PRKCQ: variants seen among roughly 807,000 people sequenced by gnomAD.
The protein encoded by PRKCQ is protein kinase C theta.
A neutral mutation model predicts 91.2 loss-of-function variants in PRKCQ; 41 were observed. The observed-to-expected ratio is 0.45, with a 90% CI of 0.35 to 0.58. The LOEUF (loss-of-function observed/expected upper bound fraction) is 0.58, where lower values mean the gene tolerates loss of function less well. Among genes scored for constraint, PRKCQ ranks in the 20% least tolerant of loss-of-function variants. The pLI is 0.00. For synonymous variants in PRKCQ, 307 were observed against 316.9 expected (o/e 0.97, Z 0.33); for missense variants, 673 against 896.5 (o/e 0.75, Z 3.18).
rs746476630 is a variant in PRKCQ at position 6,465,597 on chromosome 10, C to T, written c.1354-1193G>A. ...GGTGCGTCTGGGCATGAATTTGCATCTGAAAGTCTCACCTGGGTGGTTTCT... is the reference window on the plus strand; with the variant it reads ...GGTGCGTCTGGGCATGAATTTGCATTTGAAAGTCTCACCTGGGTGGTTTCT... On this transcript the variant is annotated intron_variant, in intron 12 of 17. Transcript: ENST00000263125. This position sits in a 1 kb window ranked among gnomAD's most constrained non-coding sequence, Gnocchi z 4.4. Among the ~76,000 whole-genome samples the T allele has an allele frequency of 6.6e-6, 1 of 152,234 alleles. No homozygotes were observed.
Position 6,515,122 on chromosome 10 carries a change from A to G in PRKCQ, c.14T>C (p.Leu5Pro). 1.9e-6 allele frequency: 3 copies of G among 1,613,778 alleles called. No homozygotes were observed. The highest frequency in any genetic ancestry group is 2.5e-6 in the Non-Finnish European group (3 of 1,179,926). MSPFLRIGLSNFDCG... is the reference protein window; with the variant it reads MSPFPRIGLSNFDCG... ...GTCAAAGTTGGACAAGCCAATCCGA[A>G]GAAATGGCGACATGGTTGCGCCCTG... The change falls in exon 2 of 18, where the codon CTT becomes CCT. Residue 5 changes from leucine to proline, a missense_variant. Transcript: ENST00000263125.
chr10:6,504,955 G>A (rs1360038717), intron 4 of PRKCQ, among the ~76,000 whole-genome samples: 3 of 150,420 alleles, frequency 2.0e-5, no homozygotes, highest in Non-Finnish European at 2.9e-5. Context: ...GTGCAGTGGT[G>A]CAATCTTGGC....
At chr10:6,538,222 T>G (rs1839653700) in intron 1 of PRKCQ, among the ~76,000 whole-genome samples, 1 of 152,246 alleles carries the variant, frequency 6.6e-6, no homozygotes, top group South Asian at 2.1e-4. Context: ...CTCCCATTGC[T>G]GCCAGGACTG....
intron 11 of PRKCQ, 59 bp from the exon 12 acceptor site, chr10:6,479,224 A>G (rs1335892737): frequency 6.3e-7 from 1 of 1,583,242 alleles, no homozygotes; most frequent in Non-Finnish European, 8.6e-7. Context: ...TTTCTTAAAA[A>G]AGAGACAGAG....
chr10:6,467,226 C>T (rs1046648106), intron 12 of PRKCQ, among the ~76,000 whole-genome samples: 1 of 151,864 alleles, frequency 6.6e-6, no homozygotes, highest in Non-Finnish European at 1.5e-5. Context: ...AAGAAGAAAA[C>T]AGAATTAGAT....
chr10:6,537,507 C>T (rs1331051063), intron 1 of PRKCQ, among the ~76,000 whole-genome samples: 1 of 152,176 alleles, frequency 6.6e-6, no homozygotes, highest in Non-Finnish European at 1.5e-5. Flanking sequence ...GCCACAGAAG[C>T]TAACCTGAGG....
intron 16 of PRKCQ, among the ~76,000 whole-genome samples, chr10:6,434,390 A>C (rs1320323879): frequency 6.6e-6 from 1 of 152,222 alleles, no homozygotes; most frequent in African/African-American, 2.4e-5. Context: ...AATATATTTT[A>C]AAAAATTAAA....
At chr10:6,470,134 G>GA (rs1835879060) in intron 12 of PRKCQ, among the ~76,000 whole-genome samples, 1 of 152,108 alleles carries the variant, frequency 6.6e-6, no homozygotes, top group Non-Finnish European at 1.5e-5. Flanking sequence ...CCTCCTCCAT[G>GA]ACACATTCCA....
chr10:6,524,478 T>C (rs1839128072), intron 1 of PRKCQ, among the ~76,000 whole-genome samples: 1 of 152,192 alleles, frequency 6.6e-6, no homozygotes, highest in African/African-American at 2.4e-5. Flanking sequence ...TCTACCGTCT[T>C]CAGCCGTATT....
intron 15 of PRKCQ, among the ~76,000 whole-genome samples, chr10:6,452,646 A>G (rs75696313): frequency 0.36 from 50,454 of 138,392 alleles, 9,628 homozygotes; most frequent in East Asian, 0.48. Flanking sequence ...CAAAGCTGGA[A>G]GCATCACGCT....
At chr10:6,551,964 A>G (rs964292479) in intron 1 of PRKCQ, among the ~76,000 whole-genome samples, 1 of 152,164 alleles carries the variant, frequency 6.6e-6, no homozygotes, top group African/African-American at 2.4e-5. Context: ...CATTTTCTCC[A>G]CAACCTTGCC....
At chr10:6,451,023 A>G (rs1285812200) in intron 15 of PRKCQ, among the ~76,000 whole-genome samples, 2 of 151,996 alleles carry the variant, frequency 1.3e-5, no homozygotes, top group Non-Finnish European at 2.9e-5. Context: ...AGAACTAGAA[A>G]AGCAAGAGCA....
intron 4 of PRKCQ, among the ~76,000 whole-genome samples, chr10:6,500,797 C>T (rs574011063): frequency 6.6e-6 from 1 of 152,222 alleles, no homozygotes; most frequent in Non-Finnish European, 1.5e-5. Flanking sequence ...GTTTCCTGAG[C>T]AGCTGTGAGT....
Position 6,462,435 on chromosome 10 carries a change from T to C in PRKCQ, c.1446-70A>G. The C allele has an allele frequency of 2.1e-6, 3 of 1,458,614 alleles. No individual in the cohort carries two copies. In the South Asian group the frequency reaches 3.4e-5, roughly 17 times the overall value. The allele number at this position is 1,458,614 out of a possible 1,614,324, so 90.4% of individuals were successfully genotyped here. ...ACGAAATAAAATCCCAAACCCAGAC[T>C]GACCTTTTTCTGACATGCTGTGTAT... On this transcript the variant is annotated intron_variant, in intron 13 of 17. Transcript: ENST00000263125.
rs571236260 is a variant in PRKCQ, at chr10:6,573,651, A to G, written c.-10+6560T>C. On this transcript the variant is annotated intron_variant, in intron 1 of 17. Transcript: ENST00000263125. ...GTACGCTTATTAGGAATTCTTGCCCACAGGGAAAAAATTTCAGGATGACAA... is the reference window on the plus strand; with the variant it reads ...GTACGCTTATTAGGAATTCTTGCCCGCAGGGAAAAAATTTCAGGATGACAA... 7.9e-5 allele frequency among the ~76,000 whole-genome samples: 12 copies of G among 152,368 alleles called. No homozygotes were observed. The South Asian group carries it at 2.5e-3, about 32-fold the overall frequency.
intron 15 of PRKCQ, among the ~76,000 whole-genome samples, chr10:6,442,750 T>C (rs1332959452): frequency 6.6e-6 from 1 of 152,100 alleles, no homozygotes; most frequent in African/African-American, 2.4e-5. Context: ...TCACCTGAGG[T>C]CGGGAGTTTG....
rs12761830 is a variant in PRKCQ at position 6,486,259 on chromosome 10, C to T, written c.791-115G>A. Reference sequence around the variant, plus strand: ...ATAGGGAGGAAAGCCTAAAGTGCCACGGCTGGGAGGAAGTTGACCCTGGCT... The same window carrying T: ...ATAGGGAGGAAAGCCTAAAGTGCCATGGCTGGGAGGAAGTTGACCCTGGCT... On this transcript the variant is annotated intron_variant, in intron 8 of 17. Coordinates refer to ENST00000263125, the MANE Select transcript of PRKCQ (RefSeq NM_006257.5). The T allele has an allele frequency of 1.7e-3, 1,370 of 818,866 alleles. 3 individuals carry two copies. Among genetic ancestry groups the T allele is most frequent in the African/African-American group, 5.4e-3 (316 of 58,742 alleles). The allele number at this position is 818,866 out of a possible 1,614,324, so 50.7% of individuals were successfully genotyped here.
the PRKCQ span, among the ~76,000 whole-genome samples, chr10:6,400,105 G>T: frequency 6.6e-6 from 1 of 152,364 alleles, no homozygotes; most frequent in East Asian, 1.9e-4. Context: ...GATTGCCCAA[G>T]TTAGAATGGG....
At chr10:6,510,923 T>A in intron 3 of PRKCQ, 72 bp downstream of exon 3, 1 of 1,565,912 alleles carries the variant, frequency 6.4e-7, no homozygotes. Flanking sequence ...CAGATTGACA[T>A]GGGAGTTCTG....
Sources: allele counts gnomAD v4.1 joint callset (sites outside exome capture counted in the v4.1 genomes callset), GRCh38; gene constraint gnomAD v4.1.1; non-coding constraint Gnocchi (gnomAD v3.1); transcripts MANE v1.5; gene names NCBI Gene and HGNC (gene_info 2026-07-23, HGNC 2026-07-21).